The following SLC22A23 variants were observed in gnomAD, a reference collection of about 807,000 sequenced individuals.
SLC22A23 encodes ion transporter protein.
A neutral mutation model predicts 61.0 loss-of-function variants in SLC22A23; 26 were observed. The ratio of observed to expected loss-of-function variants is 0.43; its 90% confidence interval spans 0.31 to 0.59. SLC22A23 has a LOEUF of 0.59. Among genes scored for constraint, SLC22A23 ranks in the 20% least tolerant of loss-of-function variants. The pLI is 0.11. For missense variants in SLC22A23, 796 were observed against 934.7 expected, an observed-to-expected ratio of 0.85 and a Z score of 1.94; for synonymous variants, 430 against 413.9, an observed-to-expected ratio of 1.04 and a Z score of -0.47.
In SLC22A23 at chr6:3,415,826, C is replaced by T; in HGVS notation, c.684G>A (p.Lys228=). ...GTAAGGAGAACTTAGCGATATGGAC[C>T]TTCCAGGCATTATCACACACAAGAT... ...KWDLVCDNAW[K]VHIAKFSLLV... is the part of the protein sequence containing the mutation. The change falls in exon 2 of 10, where the codon AAG becomes AAA. Residue 228 remains lysine (K), a synonymous_variant. Coordinates refer to ENST00000406686, the MANE Select transcript of SLC22A23 (RefSeq NM_015482.2). 6.4e-7 allele frequency: 1 copy of T among 1,552,110 alleles called. No individual in the cohort carries two copies. The highest frequency in any genetic ancestry group is 1.7e-4 in the Middle Eastern group (1 of 5,992).
intron 1 of SLC22A23, among the ~76,000 whole-genome samples, chr6:3,439,692 C>A (rs755661218): frequency 1.3e-5 from 2 of 152,192 alleles, no homozygotes; most frequent in Non-Finnish European, 2.9e-5. Flanking sequence ...AACCCTTTCG[C>A]CACCTCCTTA....
At chr6:3,274,154 C>T (rs1342059500) in intron 9 of SLC22A23, among the ~76,000 whole-genome samples, 1 of 152,166 alleles carries the variant, frequency 6.6e-6, no homozygotes, top group Non-Finnish European at 1.5e-5. Flanking sequence ...GCCAAGAGTC[C>T]CAGGGATTAG....
At position 3,415,781 on chromosome 6, in the gene SLC22A23, G is replaced by A; in HGVS notation, c.729C>T (p.Gly243=). 2.6e-6 allele frequency: 4 copies of A among 1,551,846 alleles called. No homozygotes were observed. The highest frequency in any genetic ancestry group is 3.5e-6 in the Non-Finnish European group (4 of 1,146,928). ...CAGCAATGCATCCAGTTATTAGGTA[G>A]CCAAAGATTAATCCAACCAGTAAGG... The part of the protein sequence containing the change: ...KFSLLVGLIF[G]YLITGCIADW... The change falls in exon 2 of 10, where the codon GGC becomes GGT. Residue 243 remains glycine, a synonymous_variant. Transcript: ENST00000406686.
intron 3 of SLC22A23, among the ~76,000 whole-genome samples, chr6:3,358,622 G>A (rs986658050): frequency 6.6e-6 from 1 of 152,170 alleles, no homozygotes; most frequent in Admixed American, 6.5e-5. Flanking sequence ...TCAGGCAGGC[G>A]AGATGAATAA....
At position 3,360,951 on chromosome 6, in the gene SLC22A23, G is replaced by T. The variant is rs1215698423; in HGVS notation, c.914-36949C>A. 6.6e-6 allele frequency among the ~76,000 whole-genome samples: 1 copy of T among 152,234 alleles called. No individual in the cohort carries two copies. The highest frequency in any genetic ancestry group is 1.5e-5 in the Non-Finnish European group (1 of 68,044). ...GGTACTGGGGTGACGAGAGGCGCTA[G>T]CGAACATCAGCAGCTGCGGGGAGCT... On this transcript the variant is annotated intron_variant, in intron 3 of 9. Transcript: ENST00000406686. This position sits in a 1 kb window ranked among gnomAD's most constrained non-coding sequence, Gnocchi z 4.6.
chr6:3,357,381 G>T (rs755524833), intron 3 of SLC22A23, among the ~76,000 whole-genome samples: 1 of 152,164 alleles, frequency 6.6e-6, no homozygotes, highest in Non-Finnish European at 1.5e-5. Flanking sequence ...ATAGTGTAAG[G>T]ATTAATCGCC....
At chr6:3,283,332 TGAGGCAGGAGAATCACCTGAACTTGG>T (rs1759655555) in intron 9 of SLC22A23, 1 of 174,458 alleles carries the variant, frequency 5.7e-6, no homozygotes, top group Non-Finnish European at 1.2e-5. Flanking sequence ...CTCTGGAGGC[TGAGGCAGGAGAATCACCTGAACTTGG>T]GAGGCAGAGG....
At chr6:3,367,301 A>G (rs1020650516) in intron 3 of SLC22A23, among the ~76,000 whole-genome samples, 1 of 152,214 alleles carries the variant, frequency 6.6e-6, no homozygotes, top group African/African-American at 2.4e-5. Flanking sequence ...TGGTTCAGTT[A>G]GTTGGGTATT....
intron 3 of SLC22A23, among the ~76,000 whole-genome samples, chr6:3,378,662 T>TC (rs976347468): frequency 6.4e-5 from 8 of 125,738 alleles, no homozygotes; most frequent in African/African-American, 3.2e-4. Context: ...TTTTTCTTTT[T>TC]TTTTTTTTTT....
At chr6:3,412,233 G>A (rs573019702) in intron 2 of SLC22A23, among the ~76,000 whole-genome samples, 6 of 152,108 alleles carry the variant, frequency 3.9e-5, no homozygotes, top group Non-Finnish European at 5.9e-5. Context: ...GCTGCCTCCC[G>A]AAAAATGGTG....
At chr6:3,380,295 T>C (rs1766874691) in intron 3 of SLC22A23, among the ~76,000 whole-genome samples, 1 of 152,214 alleles carries the variant, frequency 6.6e-6, no homozygotes, top group Admixed American at 6.5e-5. Flanking sequence ...ACCCCTCCAC[T>C]AACCTATCTT....
Position 3,414,140 on chromosome 6 carries a change from C to T in SLC22A23, c.758+1612G>A, listed in dbSNP as rs371705607. Reference sequence around the variant, plus strand: ...TACAGACTGGTTCATTCATAAAAGTCGATTTTTACTTTTCTATTAAATTAT... The same window carrying T: ...TACAGACTGGTTCATTCATAAAAGTTGATTTTTACTTTTCTATTAAATTAT... On this transcript the variant is annotated intron_variant, in intron 2 of 9. Transcript: ENST00000406686. The surrounding 1 kb of genome is among the most constrained non-coding windows in gnomAD (Gnocchi z 5.1). Among the ~76,000 whole-genome samples the T allele has an allele frequency of 3.3e-5, 5 of 152,190 alleles. No homozygotes were observed. The highest frequency in any genetic ancestry group is 5.9e-5 in the Non-Finnish European group (4 of 68,010).
At chr6:3,436,926 G>A (rs891368401) in intron 1 of SLC22A23, among the ~76,000 whole-genome samples, 4 of 152,168 alleles carry the variant, frequency 2.6e-5, no homozygotes, top group East Asian at 1.9e-4. Flanking sequence ...TTGCTTCCCC[G>A]TACTCAAGGA....
chr6:3,358,850 A>T (rs1765269595), intron 3 of SLC22A23, among the ~76,000 whole-genome samples: 1 of 152,168 alleles, frequency 6.6e-6, no homozygotes, highest in Admixed American at 6.5e-5. Context: ...GTGAGAAGGG[A>T]TCTGCCATCG....
At chr6:3,314,826 C>T (rs958444111) in intron 4 of SLC22A23, among the ~76,000 whole-genome samples, 14 of 152,144 alleles carry the variant, frequency 9.2e-5, no homozygotes, top group Non-Finnish European at 1.5e-4. Flanking sequence ...GTGTCCTTTA[C>T]GGCAGCACAA....
At chr6:3,396,590 C>T (rs530839227) in intron 3 of SLC22A23, among the ~76,000 whole-genome samples, 48 of 152,232 alleles carry the variant, frequency 3.2e-4, no homozygotes, top group African/African-American at 8.9e-4. Flanking sequence ...AAGACCCTAG[C>T]AGGGAGGCAC....
At chr6:3,407,998 C>T (rs1768948912) in intron 3 of SLC22A23, among the ~76,000 whole-genome samples, 1 of 152,260 alleles carries the variant, frequency 6.6e-6, no homozygotes, top group African/African-American at 2.4e-5. Flanking sequence ...TTATGGCCCA[C>T]TGGCCAAATT....
At chr6:3,291,141 G>C (rs983857120) in intron 5 of SLC22A23, 3 of 152,168 alleles carry the variant, frequency 2.0e-5, no homozygotes, top group African/African-American at 7.2e-5. Context: ...TTCGCAATCT[G>C]GGAAGTCGAG....
rs1235438208 is a variant in SLC22A23 at position 3,297,675 on chromosome 6, C to A, written c.1210+416G>T. Among the ~76,000 whole-genome samples the A allele has an allele frequency of 6.6e-6, 1 of 152,126 alleles. No individual in the cohort carries two copies. Among genetic ancestry groups the A allele is most frequent in the Non-Finnish European group, 1.5e-5 (1 of 68,008 alleles). On this transcript the variant is annotated intron_variant, in intron 5 of 9. Transcript: ENST00000406686. The surrounding 1 kb of genome is among the most constrained non-coding windows in gnomAD (Gnocchi z 4.3). ...CAGCTGCCCAACAAATAGGTCATGG[C>A]CAGGTAAAGACAATGGTGGCTCTCT...
Sources: allele counts gnomAD v4.1 joint callset (sites outside exome capture counted in the v4.1 genomes callset), GRCh38; gene constraint gnomAD v4.1.1; non-coding constraint Gnocchi (gnomAD v3.1); transcripts MANE v1.5; gene names NCBI Gene and HGNC (gene_info 2026-07-23, HGNC 2026-07-21).